The following RBFOX2 variants were observed in gnomAD, a reference collection of about 807,000 sequenced individuals.
The protein encoded by RBFOX2 is RNA binding fox-1 homolog 2, also known as RNA binding protein fox-1 homolog 2.
Under a neutral mutation model 49.1 loss-of-function variants are expected in RBFOX2, and 10 were observed. The ratio of observed to expected loss-of-function variants is 0.20; its 90% confidence interval spans 0.13 to 0.35. The LOEUF (loss-of-function observed/expected upper bound fraction) is 0.35, where lower values mean the gene tolerates loss of function less well. RBFOX2 is among the 10% of genes least tolerant of loss of function. RBFOX2 has a pLI of 1.00. For synonymous variants in RBFOX2, 183 were observed against 187.4 expected, an observed-to-expected ratio of 0.98 and a Z score of 0.19; for missense variants, 323 against 486.9, an observed-to-expected ratio of 0.66 and a Z score of 3.17.
chr22:35,823,865 T>A (rs1056759965), intron 1 of RBFOX2, among the ~76,000 whole-genome samples: 1 of 152,096 alleles, frequency 6.6e-6, no homozygotes, highest in Non-Finnish European at 1.5e-5. Context: ...AAACTAAATA[T>A]GTGGCCGGAT....
chr22:35,920,115 T>C lies in RBFOX2; in HGVS notation c.-34+18732A>G, dbSNP rs546005468. On this transcript the variant is annotated intron_variant, in intron 1 of 13. Transcript: ENST00000359369. Reference sequence around the variant, plus strand: ...GCACAGGTTTGGGAGTTTTAACTAATTTGGTTCCAATCAAAGCATTTGGCC... The same window carrying C: ...GCACAGGTTTGGGAGTTTTAACTAACTTGGTTCCAATCAAAGCATTTGGCC... 3.9e-5 allele frequency among the ~76,000 whole-genome samples: 6 copies of C among 152,332 alleles called. No individual in the cohort carries two copies. The South Asian group carries it at 1.0e-3, about 26-fold the overall frequency.
intron 1 of RBFOX2, among the ~76,000 whole-genome samples, chr22:35,910,206 C>T (rs2049633432): frequency 6.6e-6 from 1 of 152,210 alleles, no homozygotes; most frequent in Admixed American, 6.5e-5. Context: ...TTAATCCACA[C>T]ACACATTGTA....
At chr22:36,015,778 G>C (rs956205055) in intron 1 of RBFOX2, among the ~76,000 whole-genome samples, 3 of 152,162 alleles carry the variant, frequency 2.0e-5, no homozygotes, top group Non-Finnish European at 4.4e-5. Context: ...GCTAAAAAAA[G>C]ATCTACAATT....
chr22:35,751,859 T>C (rs1391575900), intron 9 of RBFOX2, among the ~76,000 whole-genome samples: 1 of 152,236 alleles, frequency 6.6e-6, no homozygotes, highest in African/African-American at 2.4e-5. Flanking sequence ...CGATTTTCAA[T>C]AATCAAACCT....
intron 1 of RBFOX2, among the ~76,000 whole-genome samples, chr22:35,983,257 C>A (rs899402175): frequency 6.6e-6 from 1 of 152,196 alleles, no homozygotes; most frequent in Non-Finnish European, 1.5e-5. Flanking sequence ...GAGGCTTTTA[C>A]CAGCTCTACT....
chr22:35,949,547 C>T (rs565123969), intron 1 of RBFOX2, among the ~76,000 whole-genome samples: 8 of 152,308 alleles, frequency 5.3e-5, no homozygotes, highest in Admixed American at 2.0e-4. Flanking sequence ...TCAATCTCTC[C>T]GTATTCTTAC....
intron 1 of RBFOX2, among the ~76,000 whole-genome samples, chr22:35,926,268 C>A (rs777815664): frequency 6.6e-6 from 1 of 152,274 alleles, no homozygotes; most frequent in South Asian, 2.1e-4. Context: ...TAGTACTAAC[C>A]GCTACAGCAA....
intron 1 of RBFOX2, among the ~76,000 whole-genome samples, chr22:35,957,780 T>C (rs565869978): frequency 9.8e-5 from 15 of 152,326 alleles, no homozygotes; most frequent in East Asian, 1.9e-4. Context: ...TGTGCAATCA[T>C]TGATAATTAT....
intron 1 of RBFOX2, chr22:35,898,391 G>C: frequency 1.8e-6 from 1 of 545,948 alleles, no homozygotes; most frequent in South Asian, 2.0e-5. Flanking sequence ...CCGGGATTGT[G>C]CAGCGGCCGC....
At chr22:35,906,285 A>G (rs1359079049) in intron 1 of RBFOX2, among the ~76,000 whole-genome samples, 1 of 152,208 alleles carries the variant, frequency 6.6e-6, no homozygotes, top group East Asian at 1.9e-4. Flanking sequence ...CAAGACAGGA[A>G]TGGGAGAGCA....
chr22:35,897,954 T>C (rs2048068691), intron 1 of RBFOX2: 2 of 772,414 alleles, frequency 2.6e-6, no homozygotes, highest in South Asian at 1.5e-5. Flanking sequence ...GAGCAATTGC[T>C]TGGGGAATCT....
intron 9 of RBFOX2, 199 bp from the exon 12 acceptor site, chr22:35,746,760 C>T (rs185893230): frequency 1.8e-4 from 71 of 395,046 alleles, no homozygotes; most frequent in African/African-American, 1.0e-3. Context: ...TTAAGCCCTA[C>T]GATATGCAAG....
intron 1 of RBFOX2, among the ~76,000 whole-genome samples, chr22:35,922,080 T>C (rs2051089152): frequency 6.6e-6 from 1 of 152,226 alleles, no homozygotes. Context: ...AGTCCCCTTC[T>C]CTGTGTGCTT....
At chr22:35,842,081 C>T (rs571624637), upstream of RBFOX2, among the ~76,000 whole-genome samples, 5 of 152,096 alleles carry the variant, frequency 3.3e-5, no homozygotes, top group Admixed American at 3.3e-4. Flanking sequence ...TTGTATAACA[C>T]CATTGGCTGG....
chr22:35,959,541 T>A (rs898608103), intron 1 of RBFOX2, among the ~76,000 whole-genome samples: 2 of 152,238 alleles, frequency 1.3e-5, no homozygotes, highest in African/African-American at 4.8e-5. Flanking sequence ...AATGTTAGCA[T>A]GCAGACAGGT....
intron 1 of RBFOX2, among the ~76,000 whole-genome samples, chr22:35,846,413 CCTAATATACT>C (rs1657755109): frequency 6.8e-6 from 1 of 146,918 alleles, no homozygotes; most frequent in Non-Finnish European, 1.5e-5. Context: ...AAATGGAGAG[CCTAATATACT>C]CTACAGCATT....
chr22:35,775,335 C>A (rs577326551), intron 4 of RBFOX2, among the ~76,000 whole-genome samples: 1 of 152,162 alleles, frequency 6.6e-6, no homozygotes, highest in Admixed American at 6.5e-5. Flanking sequence ...AGATTCAGGG[C>A]AATTCTGAAT....
At chr22:35,900,679 A>C (rs1234739383) in intron 1 of RBFOX2, among the ~76,000 whole-genome samples, 1 of 152,096 alleles carries the variant, frequency 6.6e-6, no homozygotes, top group Non-Finnish European at 1.5e-5. Context: ...CCACAGGGCA[A>C]TCTCTAACAG....
chr22:35,839,743 C>T (rs991514922), intron 1 of RBFOX2, among the ~76,000 whole-genome samples: 2 of 152,190 alleles, frequency 1.3e-5, no homozygotes, highest in African/African-American at 2.4e-5. Flanking sequence ...AATTCCATAG[C>T]CAATCCTGAG....
Sources: allele counts gnomAD v4.1 joint callset (sites outside exome capture counted in the v4.1 genomes callset), GRCh38; gene constraint gnomAD v4.1.1; transcripts MANE v1.5; gene names NCBI Gene and HGNC (gene_info 2026-07-23, HGNC 2026-07-21).